CDH4: variants seen among roughly 807,000 people sequenced by gnomAD.
CDH4 encodes cadherin 4, also known as cadherin-4.
CDH4 carries 33 observed loss-of-function variants against 86.0 expected under a neutral mutation model. The observed-to-expected ratio is 0.38, with a 90% CI of 0.29 to 0.51. The LOEUF is 0.51. Among genes scored for constraint, CDH4 ranks in the 20% least tolerant of loss-of-function variants. CDH4 has a pLI of 0.86. For synonymous variants in CDH4, 555 were observed against 549.4 expected (o/e 1.01, Z -0.14); for missense variants, 1,114 against 1,307.4 (o/e 0.85, Z 2.28).
At chr20:61,909,414 G>A (rs754013890) in intron 8 of CDH4, among the ~76,000 whole-genome samples, 2 of 152,214 alleles carry the variant, frequency 1.3e-5, no homozygotes, top group African/African-American at 4.8e-5. Flanking sequence ...CATCTGTGAC[G>A]CCAGAAGTCA....
chr20:61,513,960 G>T (rs1030530376), intron 2 of CDH4, among the ~76,000 whole-genome samples: 5 of 152,202 alleles, frequency 3.3e-5, no homozygotes, highest in Non-Finnish European at 7.3e-5. Context: ...GCATTTATTT[G>T]CAGGGCGCCA....
At chr20:61,775,129 C>CA (rs2088823536) in intron 4 of CDH4, among the ~76,000 whole-genome samples, 1 of 152,064 alleles carries the variant, frequency 6.6e-6, no homozygotes, top group Non-Finnish European at 1.5e-5. Context: ...GATTGTATAC[C>CA]AAACCACAGT....
intron 13 of CDH4, among the ~76,000 whole-genome samples, chr20:61,931,234 C>G (rs2055105059): frequency 6.6e-6 from 1 of 152,246 alleles, no homozygotes; most frequent in Admixed American, 6.5e-5. Flanking sequence ...TTCCGTCGAG[C>G]CAAGACTAGG....
intron 2 of CDH4, among the ~76,000 whole-genome samples, chr20:61,465,613 C>G (rs1568855021): frequency 6.6e-6 from 1 of 152,060 alleles, no homozygotes; most frequent in Non-Finnish European, 1.5e-5. Context: ...TCTTGGTGGA[C>G]ATATGTTTGA....
chr20:61,398,514 G>A (rs1367355282), intron 2 of CDH4, among the ~76,000 whole-genome samples: 1 of 152,196 alleles, frequency 6.6e-6, no homozygotes, highest in Non-Finnish European at 1.5e-5. Context: ...TGATGGGTAG[G>A]AGGAGACCAG....
intron 4 of CDH4, among the ~76,000 whole-genome samples, chr20:61,783,812 G>A (rs1301104773): frequency 1.2e-5 from 1 of 84,470 alleles, no homozygotes; most frequent in African/African-American, 4.6e-5. Context: ...GTGCCCCCAA[G>A]AGAAATGTAA....
rs1468802938 is a variant in CDH4, at chr20:61,839,843, CGTATGT to C, written c.577-4816_577-4811del. Among the ~76,000 whole-genome samples the C allele has an allele frequency of 6.9e-5, 10 of 145,530 alleles. No homozygotes were observed. In the South Asian group the frequency reaches 2.0e-3, roughly 29 times the overall value. On this transcript the variant is annotated intron_variant, in intron 4 of 15. Transcript: ENST00000614565. ...TGTTGTGTGTCTGTGTGTAGGTATG[CGTATGT>C]GTATGTGTGTTTGTGTATTGTGTGC...
At chr20:61,361,663 T>C (rs1383185109) in intron 2 of CDH4, among the ~76,000 whole-genome samples, 1 of 152,090 alleles carries the variant, frequency 6.6e-6, no homozygotes, top group Non-Finnish European at 1.5e-5. Flanking sequence ...GAGCAGCAGG[T>C]GACGGACCCA....
chr20:61,637,860 A>G (rs1195749407), intron 2 of CDH4, among the ~76,000 whole-genome samples: 3 of 151,998 alleles, frequency 2.0e-5, no homozygotes, highest in Non-Finnish European at 2.9e-5. Flanking sequence ...ATCTCTACTA[A>G]AAATCCAAAA....
rs1397849356 is a variant in CDH4, at chr20:61,303,716, A to G, written c.169+48779A>G. ...AGCTCTTTTCAGGGGAGCAGGGAGG[A>G]GGAGGTAGGAGCTGGGCTGAGATAT... On this transcript the variant is annotated intron_variant, in intron 2 of 15. Transcript: ENST00000614565. Among the ~76,000 whole-genome samples, 3 of 152,000 alleles carry G rather than the reference A, an allele frequency of 2.0e-5. No homozygotes were observed. In the East Asian group the frequency reaches 5.8e-4, roughly 29 times the overall value.
At chr20:61,535,800 A>T (rs1302198832) in intron 2 of CDH4, among the ~76,000 whole-genome samples, 2 of 151,692 alleles carry the variant, frequency 1.3e-5, no homozygotes, top group Non-Finnish European at 1.5e-5. Context: ...CGCCATGGGG[A>T]GAGTGTGGGG....
At chr20:61,533,656 C>T (rs750125915) in intron 2 of CDH4, among the ~76,000 whole-genome samples, 9 of 152,220 alleles carry the variant, frequency 5.9e-5, no homozygotes, top group Non-Finnish European at 8.8e-5. Flanking sequence ...GGGCCATTAG[C>T]ACTGCCGCCT....
intron 2 of CDH4, among the ~76,000 whole-genome samples, chr20:61,267,325 A>G (rs1186157024): frequency 6.6e-6 from 1 of 152,186 alleles, no homozygotes; most frequent in South Asian, 2.1e-4. Context: ...TTGCGAAAGC[A>G]TCAGGGCTTC....
chr20:61,784,606 C>T (rs71323522), intron 4 of CDH4, among the ~76,000 whole-genome samples: 1 of 24,814 alleles, frequency 4.0e-5, no homozygotes, highest in African/African-American at 2.0e-4. Flanking sequence ...CCAGGCCCTC[C>T]GATATCCTGT....
chr20:61,470,933 T>C (rs1443031088), intron 2 of CDH4, among the ~76,000 whole-genome samples: 1 of 152,162 alleles, frequency 6.6e-6, no homozygotes, highest in Non-Finnish European at 1.5e-5. Context: ...TTGAAATTGG[T>C]TTGCTAGTAT....
intron 5 of CDH4, among the ~76,000 whole-genome samples, chr20:61,852,160 C>T (rs547099292): frequency 6.6e-6 from 1 of 152,248 alleles, no homozygotes; most frequent in African/African-American, 2.4e-5. Context: ...TATTCCCCTG[C>T]TGTGCCCAAG....
intron 4 of CDH4, among the ~76,000 whole-genome samples, chr20:61,777,646 A>ACAGGCATACAAAAACACATCCACATG (rs2088857750): frequency 9.1e-5 from 10 of 109,866 alleles, no homozygotes; most frequent in Non-Finnish European, 1.4e-4. Flanking sequence ...ACGTCTACAC[A>ACAGGCATACAAAAACACATCCACATG]CGCACACACG....
chr20:61,894,727 C>CA (rs1256136442), intron 7 of CDH4, among the ~76,000 whole-genome samples, 183 bp from the exon 8 acceptor site: 1 of 152,220 alleles, frequency 6.6e-6, no homozygotes, highest in Non-Finnish European at 1.5e-5. Context: ...GAGAAACTTA[C>CA]TCCGACAGGC....
At chr20:61,545,884 G>GGTATGTGTTC (rs2086075777) in intron 2 of CDH4, among the ~76,000 whole-genome samples, 1 of 132,800 alleles carries the variant, frequency 7.5e-6, no homozygotes, top group Non-Finnish European at 1.7e-5. Context: ...TGTGGGATAC[G>GGTATGTGTTC]GTATGTGTTC....
Sources: allele counts gnomAD v4.1 joint callset (sites outside exome capture counted in the v4.1 genomes callset), GRCh38; gene constraint gnomAD v4.1.1; transcripts MANE v1.5; gene names NCBI Gene and HGNC (gene_info 2026-07-23, HGNC 2026-07-21).